ODF2L: variants seen among roughly 807,000 people sequenced by gnomAD.
The protein encoded by ODF2L is outer dense fiber of sperm tails 2 like.
In ODF2L, 76 loss-of-function variants were observed where a neutral mutation model predicts 86.3. The observed-to-expected ratio is 0.88, with a 90% CI of 0.73 to 1.07. The LOEUF (loss-of-function observed/expected upper bound fraction) is 1.07, where lower values mean the gene tolerates loss of function less well. ODF2L is among the 50% of genes least tolerant of loss of function. ODF2L has a pLI of 0.00. For missense variants in ODF2L, 748 were observed against 717.4 expected (o/e 1.04, Z -0.49); for synonymous variants, 241 against 231.3 (o/e 1.04, Z -0.38).
At position 86,370,635 on chromosome 1, in the gene ODF2L, G is replaced by C. The variant is rs192477084; in HGVS notation, c.1056+383C>G. ...TACCTATGGAAAGCAATTACCCCTT[G>C]GATATGAGTAAGTTGGAAAATTCTT... On this transcript the variant is annotated intron_variant, in intron 10 of 17. Coordinates refer to ENST00000317336, the Ensembl canonical transcript of ODF2L. Among the ~76,000 whole-genome samples, 110 of 152,078 alleles carry C rather than the reference G, an allele frequency of 7.2e-4. 1 individual carries two copies. The highest frequency in any genetic ancestry group is 2.6e-3 in the African/African-American group (109 of 41,500).
intron 7 of ODF2L, among the ~76,000 whole-genome samples, chr1:86,377,922 C>T (rs1461363882): frequency 6.6e-6 from 1 of 152,248 alleles, no homozygotes; most frequent in African/African-American, 2.4e-5. Context: ...CCAATTTATG[C>T]AGACCACTTG....
intron 7 of ODF2L, among the ~76,000 whole-genome samples, chr1:86,378,870 T>C (rs918670344): frequency 1.1e-4 from 16 of 151,576 alleles, no homozygotes; most frequent in African/African-American, 3.4e-4. Context: ...TGGATCTGTG[T>C]CCCTACCCAA....
chr1:86,390,148 C>A (rs879561086), intron 1 of ODF2L, among the ~76,000 whole-genome samples: 4 of 152,124 alleles, frequency 2.6e-5, no homozygotes, highest in Non-Finnish European at 5.9e-5. Flanking sequence ...AAAGGCCGGG[C>A]GTGGTGGCTC....
intron 11 of ODF2L, among the ~76,000 whole-genome samples, chr1:86,365,913 T>A (rs1018379696): frequency 1.3e-5 from 2 of 152,178 alleles, no homozygotes; most frequent in African/African-American, 4.8e-5. Flanking sequence ...GCAGAACACC[T>A]GGAACTAGGA....
At chr1:86,348,953 A>C, downstream of ODF2L, 1 of 1,402,204 alleles carries the variant, frequency 7.1e-7, no homozygotes, top group Non-Finnish European at 9.5e-7. Context: ...ATAATATTAA[A>C]AACATATATA....
intron 7 of ODF2L, 41 bp from the exon 8 acceptor site, chr1:86,376,459 C>T: frequency 7.8e-7 from 1 of 1,276,770 alleles, no homozygotes; most frequent in Non-Finnish European, 1.1e-6. Context: ...TTTCAGAACT[C>T]CAATGTTTAT....
At chr1:86,382,867 G>T in intron 6 of ODF2L, 64 bp downstream of exon 6, 1 of 794,642 alleles carries the variant, frequency 1.3e-6, no homozygotes, top group South Asian at 1.5e-5. Context: ...GGGCCAGGAT[G>T]GGAAAAAAAA....
At chr1:86,350,675 A>C (rs1243689264) in exon 18 of ODF2L, 2 of 152,198 alleles carry the variant, frequency 1.3e-5, no homozygotes, top group African/African-American at 4.8e-5. Flanking sequence ...AGGAATCGCC[A>C]CACTGTCTTC....
intron 12 of ODF2L, 29 bp from the exon 12 acceptor site, chr1:86,358,920 T>C: frequency 1.9e-6 from 2 of 1,063,512 alleles, no homozygotes; most frequent in Non-Finnish European, 2.7e-6. Flanking sequence ...AGAAACATAT[T>C]ATTTTTAGAA....
At chr1:86,359,602 C>A (rs192638893) in intron 12 of ODF2L, among the ~76,000 whole-genome samples, 97 of 149,896 alleles carry the variant, frequency 6.5e-4, no homozygotes, top group Admixed American at 1.2e-3. Context: ...CGGCTCACTG[C>A]AACCTCCACC....
downstream of ODF2L, chr1:86,349,997 G>T: frequency 4.3e-6 from 1 of 233,596 alleles, no homozygotes; most frequent in Non-Finnish European, 7.0e-6. Context: ...CCCCTGGAAG[G>T]CATAAAACAC....
intron 7 of ODF2L, among the ~76,000 whole-genome samples, chr1:86,378,361 C>T (rs1210618953): frequency 1.3e-5 from 2 of 152,216 alleles, no homozygotes; most frequent in African/African-American, 4.8e-5. Context: ...CAAGCTCTCC[C>T]ACATCTTCCT....
At chr1:86,372,330 C>T (rs1659850234) in intron 9 of ODF2L, 101 bp downstream of exon 9, 1 of 506,594 alleles carries the variant, frequency 2.0e-6, no homozygotes, top group African/African-American at 2.0e-5. Context: ...GCACCTTTAC[C>T]ATATGTAATC....
intron 8 of ODF2L, chr1:86,374,924 T>C (rs1477645112): frequency 1.3e-5 from 2 of 152,186 alleles, no homozygotes; most frequent in Non-Finnish European, 2.9e-5. Flanking sequence ...TACCCTTACC[T>C]TAGGTGAATA....
At chr1:86,372,332 T>C (rs1200371796) in intron 9 of ODF2L, 99 bp downstream of exon 9, 7 of 519,596 alleles carry the variant, frequency 1.3e-5, no homozygotes, top group African/African-American at 4.0e-5. Flanking sequence ...ACCTTTACCA[T>C]ATGTAATCTA....
intron 13 of ODF2L, among the ~76,000 whole-genome samples, chr1:86,357,391 G>A (rs560650671): frequency 6.6e-6 from 1 of 151,292 alleles, no homozygotes; most frequent in South Asian, 2.1e-4. Context: ...ATTATATTTG[G>A]AAGACAGACA....
At chr1:86,375,541 T>A (rs988412738) in intron 8 of ODF2L, among the ~76,000 whole-genome samples, 11 of 152,124 alleles carry the variant, frequency 7.2e-5, no homozygotes, top group Non-Finnish European at 8.8e-5. Context: ...GAGACTTTTT[T>A]AAAAAAATTA....
intron 7 of ODF2L, among the ~76,000 whole-genome samples, chr1:86,380,602 AAGG>A (rs1660514502): frequency 6.6e-6 from 1 of 152,158 alleles, no homozygotes; most frequent in African/African-American, 2.4e-5. Flanking sequence ...ATACACTATC[AAGG>A]AGTATACTGA....
intron 3 of ODF2L, 124 bp from the exon 4 acceptor site, chr1:86,384,925 A>G (rs1660838858): frequency 1.6e-6 from 1 of 638,134 alleles, no homozygotes; most frequent in Admixed American, 4.2e-5. Flanking sequence ...CATAGTAATA[A>G]TAAATGCTAC....
Sources: gnomAD v4.1 joint callset for allele counts (sites outside exome capture counted in the v4.1 genomes callset) on GRCh38, gnomAD v4.1.1 for gene constraint, MANE v1.5 for transcripts, NCBI Gene and HGNC (gene_info 2026-07-23, HGNC 2026-07-21) for gene names.